Variants in ARHGEF10 observed in about 807,000 individuals in gnomAD.
ARHGEF10 encodes the protein Rho guanine nucleotide exchange factor (GEF) 10.
ARHGEF10 carries 140 observed loss-of-function variants against 147.4 expected under a neutral mutation model. The ratio of observed to expected loss-of-function variants is 0.95; its 90% CI spans 0.83 to 1.09. ARHGEF10 has a LOEUF of 1.09. Among genes scored for constraint, ARHGEF10 ranks in the 50% least tolerant of loss-of-function variants. The pLI, the probability that ARHGEF10 is intolerant of heterozygous loss-of-function variation, is 0.00. For missense variants in ARHGEF10, 2,222 were observed against 1,752.7 expected, an observed-to-expected ratio of 1.27 and a Z score of -4.78; for synonymous variants, 902 against 695.8, an observed-to-expected ratio of 1.30 and a Z score of -4.67.
rs772330938 is a variant in ARHGEF10 at position 1,894,398 on chromosome 8, T to C, written c.1266T>C (p.Tyr422=). 1.9e-6 allele frequency: 3 copies of C among 1,614,112 alleles called. No individual in the cohort carries two copies. The highest frequency in any genetic ancestry group is 2.5e-6 in the Non-Finnish European group (3 of 1,180,012). ...CTTTGCTCATTTTGTCTTAGCAATA[T>C]GAGAAGCCGCTGTCTGAGATGGAGC... ...VDALKRILEQ[Y]EKPLSEMEPK... is the part of the protein sequence containing the mutation. The change falls in exon 13 of 29, where the codon TAT becomes TAC. Residue 422 remains tyrosine (Y), a synonymous_variant. Transcript: ENST00000349830.
chr8:1,858,183 C>T (rs534718210), intron 3 of ARHGEF10, 68 bp downstream of exon 3: 2 of 1,405,540 alleles, frequency 1.4e-6, no homozygotes, highest in African/African-American at 1.6e-5. Context: ...CAGGTGGGTC[C>T]CCATGTGAGT....
intron 1 of ARHGEF10, among the ~76,000 whole-genome samples, chr8:1,832,627 GAGAC>G (rs1803222471): frequency 9.7e-6 from 1 of 103,280 alleles, no homozygotes; most frequent in African/African-American, 3.9e-5. Context: ...GAGGCAGAGA[GAGAC>G]AGAGGCAGAG....
At chr8:1,944,327 C>A (rs1407270370) in intron 26 of ARHGEF10, among the ~76,000 whole-genome samples, 1 of 152,234 alleles carries the variant, frequency 6.6e-6, no homozygotes, top group East Asian at 1.9e-4. Context: ...TCAGGCCCTG[C>A]AGCGCCCCTG....
chr8:1,854,171 G>T (rs777818382), intron 2 of ARHGEF10, among the ~76,000 whole-genome samples: 1 of 152,228 alleles, frequency 6.6e-6, no homozygotes, highest in East Asian at 1.9e-4. Flanking sequence ...GCCCAGGGCA[G>T]TGTCTGGGAT....
chr8:1,934,443 A>G (rs1266953126), intron 26 of ARHGEF10, among the ~76,000 whole-genome samples: 2 of 151,988 alleles, frequency 1.3e-5, no homozygotes, highest in Admixed American at 1.3e-4. Context: ...TCAACTAACC[A>G]TTTTTTAACC....
At chr8:1,908,586 C>A (rs1811103212) in intron 17 of ARHGEF10, among the ~76,000 whole-genome samples, 1 of 152,144 alleles carries the variant, frequency 6.6e-6, no homozygotes, top group Non-Finnish European at 1.5e-5. Context: ...GTGATGATCA[C>A]TAAGTGAGAA....
intron 6 of ARHGEF10, among the ~76,000 whole-genome samples, chr8:1,867,175 T>C (rs992970627): frequency 6.6e-6 from 1 of 151,716 alleles, no homozygotes; most frequent in Non-Finnish European, 1.5e-5. Context: ...TAGCCTCTTA[T>C]TTATTTGTAA....
chr8:1,954,224 G>C (rs1372383667), intron 28 of ARHGEF10, among the ~76,000 whole-genome samples: 1 of 152,054 alleles, frequency 6.6e-6, no homozygotes, highest in Non-Finnish European at 1.5e-5. Context: ...CTCCCTAGTA[G>C]CTGGGATTAC....
At chr8:1,834,092 C>T (rs1214250236) in intron 1 of ARHGEF10, among the ~76,000 whole-genome samples, 1 of 152,206 alleles carries the variant, frequency 6.6e-6, no homozygotes, top group Non-Finnish European at 1.5e-5. Flanking sequence ...ACCACCCTCA[C>T]CCATCGGGGT....
At chr8:1,949,035 T>C (rs866500968) in intron 27 of ARHGEF10, among the ~76,000 whole-genome samples, 22 of 152,054 alleles carry the variant, frequency 1.4e-4, no homozygotes, top group Non-Finnish European at 2.1e-4. Context: ...TGTGTGTGTG[T>C]GTGTGTGGCA....
At chr8:1,943,708 CA>C (rs995580773) in intron 26 of ARHGEF10, 1 of 152,178 alleles carries the variant, frequency 6.6e-6, no homozygotes, top group Non-Finnish European at 1.5e-5. Context: ...GACTCCTTTG[CA>C]ATTGTGAGCA....
At chr8:1,834,927 G>A (rs1460128663) in intron 1 of ARHGEF10, among the ~76,000 whole-genome samples, 3 of 152,174 alleles carry the variant, frequency 2.0e-5, no homozygotes, top group Non-Finnish European at 1.5e-5. Context: ...CCGGCCCCAA[G>A]CTCCCGGGGT....
intron 21 of ARHGEF10, among the ~76,000 whole-genome samples, 158 bp from the exon 22 acceptor site, chr8:1,925,125 G>GA (rs1242123126): frequency 3.3e-5 from 5 of 152,208 alleles, no homozygotes; most frequent in African/African-American, 1.2e-4. Flanking sequence ...TATGCTGTAA[G>GA]AAGAGATTGT....
At chr8:1,888,898 T>TGGGTGAGGGTTGTGAGGAGACAGTGAGTG (rs1809091517) in intron 11 of ARHGEF10, among the ~76,000 whole-genome samples, 2 of 62,550 alleles carry the variant, frequency 3.2e-5, no homozygotes, top group Non-Finnish European at 3.0e-5. Flanking sequence ...GACACTGAGT[T>TGGGTGAGGGTTGTGAGGAGACAGTGAGTG]GGGTGAGGGT....
chr8:1,930,017 C>G (rs1408830376), intron 25 of ARHGEF10, among the ~76,000 whole-genome samples: 1 of 152,188 alleles, frequency 6.6e-6, no homozygotes, highest in Non-Finnish European at 1.5e-5. Context: ...TTGGTGGCAG[C>G]TGTGCTTTGC....
At chr8:1,935,106 T>G (rs1345169345) in intron 26 of ARHGEF10, among the ~76,000 whole-genome samples, 3 of 152,116 alleles carry the variant, frequency 2.0e-5, no homozygotes, top group Non-Finnish European at 4.4e-5. Flanking sequence ...TAAAACAAGG[T>G]ACTGTTTTAT....
chr8:1,928,631 G>A lies in ARHGEF10; in HGVS notation c.2902G>A (p.Val968Ile), dbSNP rs1290053696. ...VRASDVPTIC[V>I]GTEEGSISIY... ...AGCTTCTGATGTCCCCACGATCTGT[G>A]TAGGGACGGAGGAGGGAAGGTAGGG... is the stretch of plus-strand genomic sequence containing the variant. The change falls in exon 24 of 29, where the codon GTA (valine) becomes ATA (isoleucine). Residue 968 changes from valine (V) to isoleucine (I), a missense_variant. Coordinates refer to ENST00000349830, the MANE Select transcript of ARHGEF10 (RefSeq NM_014629.4). 1.9e-6 allele frequency: 3 copies of A among 1,614,190 alleles called. No individual in the cohort carries two copies. The highest frequency in any genetic ancestry group is 2.5e-6 in the Non-Finnish European group (3 of 1,180,040).
chr8:1,857,628 C>G (rs1034612458), intron 2 of ARHGEF10, among the ~76,000 whole-genome samples: 1 of 151,890 alleles, frequency 6.6e-6, no homozygotes, highest in East Asian at 1.9e-4. Context: ...CCATGTTGGC[C>G]AGGCTGGTCT....
chr8:1,853,968 C>T (rs529614320), intron 2 of ARHGEF10, among the ~76,000 whole-genome samples: 1 of 152,334 alleles, frequency 6.6e-6, no homozygotes, highest in South Asian at 2.1e-4. Context: ...TGTTTGCAGA[C>T]GAGCTCACCA....
Sources: gnomAD v4.1 joint callset for allele counts (sites outside exome capture counted in the v4.1 genomes callset) on GRCh38, gnomAD v4.1.1 for gene constraint, MANE v1.5 for transcripts, NCBI Gene and HGNC (gene_info 2026-07-23, HGNC 2026-07-21) for gene names.